PRKDC: variants seen among roughly 807,000 people sequenced by gnomAD.
PRKDC encodes the protein protein kinase, DNA-activated, catalytic subunit.
PRKDC carries 82 observed loss-of-function variants against 486.9 expected under a neutral mutation model. That is an observed-to-expected ratio of 0.17 (90% CI 0.14 to 0.20). PRKDC has a LOEUF of 0.20. Among genes scored for constraint, PRKDC ranks in the 10% least tolerant of loss-of-function variants. The pLI, the probability that PRKDC is intolerant of heterozygous loss-of-function variation, is 1.00. For synonymous variants in PRKDC, 1,895 were observed against 1,837.0 expected, an observed-to-expected ratio of 1.03 and a Z score of -0.81; for missense variants, 4,504 against 5,038.2, an observed-to-expected ratio of 0.89 and a Z score of 3.21.
intron 69 of PRKDC, among the ~76,000 whole-genome samples, chr8:47,804,731 T>A (rs2087183824): frequency 6.6e-6 from 1 of 152,164 alleles, no homozygotes; most frequent in South Asian, 2.1e-4. Flanking sequence ...AGTGGAATTG[T>A]CGGGTCATAT....
At chr8:47,825,027 G>A (rs1164704055) in intron 63 of PRKDC, among the ~76,000 whole-genome samples, 1 of 152,128 alleles carries the variant, frequency 6.6e-6, no homozygotes, top group African/African-American at 2.4e-5. Context: ...TTATTGCCCT[G>A]ATTACAGAAT....
intron 70 of PRKDC, among the ~76,000 whole-genome samples, chr8:47,801,801 T>C (rs1426594800): frequency 2.6e-5 from 4 of 152,164 alleles, no homozygotes; most frequent in African/African-American, 4.8e-5. Context: ...AGAGGTGCGA[T>C]AACAGTGTTG....
chr8:47,832,871 G>A (rs1390074640), intron 59 of PRKDC, among the ~76,000 whole-genome samples: 2 of 152,206 alleles, frequency 1.3e-5, no homozygotes, highest in Non-Finnish European at 2.9e-5. Flanking sequence ...CAGAACACTG[G>A]TTTAAAAGAG....
At chr8:47,885,051 C>A (rs1007810170) in intron 36 of PRKDC, among the ~76,000 whole-genome samples, 20 of 152,218 alleles carry the variant, frequency 1.3e-4, no homozygotes, top group Non-Finnish European at 2.4e-4. Flanking sequence ...ATGTCAATAC[C>A]CTGCATAGCT....
At chr8:47,802,613 G>A (rs1407384551) in intron 70 of PRKDC, among the ~76,000 whole-genome samples, 3 of 151,266 alleles carry the variant, frequency 2.0e-5, no homozygotes, top group East Asian at 1.9e-4. Flanking sequence ...GAGCAGCTTC[G>A]AAGACAGGCG....
chr8:47,910,982 AATTCTTAG>A (rs1342315640), intron 25 of PRKDC, among the ~76,000 whole-genome samples: 1 of 152,210 alleles, frequency 6.6e-6, no homozygotes, highest in Non-Finnish European at 1.5e-5. Flanking sequence ...TTCCTTTATT[AATTCTTAG>A]AGTTTATCAG....
At chr8:47,923,500 C>T (rs554670871) in intron 21 of PRKDC, among the ~76,000 whole-genome samples, 5 of 152,332 alleles carry the variant, frequency 3.3e-5, no homozygotes, top group African/African-American at 1.2e-4. Context: ...GCACTGAGTT[C>T]CCCTCAGCAA....
chr8:47,872,950 A>G (rs1233550093), intron 40 of PRKDC, among the ~76,000 whole-genome samples: 1 of 152,186 alleles, frequency 6.6e-6, no homozygotes, highest in Non-Finnish European at 1.5e-5. Context: ...AACCTTACAG[A>G]TGTTTACAGA....
chr8:47,796,822 G>T (rs967591091), intron 73 of PRKDC, among the ~76,000 whole-genome samples: 2 of 152,080 alleles, frequency 1.3e-5, no homozygotes, highest in Non-Finnish European at 2.9e-5. Flanking sequence ...TCGAACTGCT[G>T]ACCTCGTGAT....
chr8:47,818,546 T>C (rs2087504951), intron 67 of PRKDC, among the ~76,000 whole-genome samples: 1 of 118,366 alleles, frequency 8.4e-6, no homozygotes, highest in South Asian at 2.9e-4. Flanking sequence ...GCCACTGCAC[T>C]CCAGCCTGCG....
At chr8:47,888,175 G>C (rs2089377205) in intron 34 of PRKDC, among the ~76,000 whole-genome samples, 1 of 152,124 alleles carries the variant, frequency 6.6e-6, no homozygotes, top group African/African-American at 2.4e-5. Context: ...ACTGTATCTG[G>C]CTCAACCTTG....
chr8:47,836,299 G>T (rs769255413), intron 58 of PRKDC, 39 bp downstream of exon 58: 2 of 1,470,100 alleles, frequency 1.4e-6, no homozygotes, highest in East Asian at 4.7e-5. Context: ...CAGAGGTCAG[G>T]GTGCTGTATA....
intron 22 of PRKDC, among the ~76,000 whole-genome samples, chr8:47,918,041 C>G (rs1349947969): frequency 6.6e-6 from 1 of 152,094 alleles, no homozygotes; most frequent in African/African-American, 2.4e-5. Flanking sequence ...GAGACAGGGT[C>G]TTCCTATGTT....
intron 54 of PRKDC, 76 bp downstream of exon 54, chr8:47,849,078 T>C (rs1436394361): frequency 2.0e-6 from 3 of 1,527,360 alleles, no homozygotes; most frequent in Non-Finnish European, 2.7e-6. Context: ...CAGGTTCTTC[T>C]TGAGTTGGAG....
intron 83 of PRKDC, 58 bp downstream of exon 83, chr8:47,778,401 T>G (rs1443918777): frequency 1.2e-5 from 18 of 1,538,682 alleles, no homozygotes; most frequent in Non-Finnish European, 1.4e-5. Context: ...TGGAGGTTGT[T>G]GAAAGTCCTA....
At chr8:47,945,543 C>G (rs573195063) in intron 7 of PRKDC, among the ~76,000 whole-genome samples, 88 of 152,194 alleles carry the variant, frequency 5.8e-4, no homozygotes, top group Non-Finnish European at 1.2e-3. Context: ...AGCATCCTGT[C>G]TGCAAGGTTC....
At chr8:47,896,886 A>G (rs971841997) in intron 30 of PRKDC, among the ~76,000 whole-genome samples, 4 of 152,228 alleles carry the variant, frequency 2.6e-5, no homozygotes, top group African/African-American at 4.8e-5. Context: ...ATTTCAGTCC[A>G]TAAGCAGTTT....
intron 25 of PRKDC, among the ~76,000 whole-genome samples, chr8:47,910,469 T>C (rs1472483666): frequency 1.3e-5 from 2 of 152,218 alleles, no homozygotes; most frequent in African/African-American, 4.8e-5. Flanking sequence ...ACAATTTTCA[T>C]ATACACACAA....
At chr8:47,863,186 T>C (rs1286872566) in intron 42 of PRKDC, among the ~76,000 whole-genome samples, 1 of 152,200 alleles carries the variant, frequency 6.6e-6, no homozygotes. Context: ...GTTTTATTAT[T>C]TGTAAAATAT....
Sources: gnomAD v4.1 joint callset for allele counts (sites outside exome capture counted in the v4.1 genomes callset) on GRCh38, gnomAD v4.1.1 for gene constraint, MANE v1.5 for transcripts, NCBI Gene and HGNC (gene_info 2026-07-23, HGNC 2026-07-21) for gene names.